Variants in CDH4 observed in about 807,000 individuals in gnomAD.
CDH4 encodes the protein cadherin-4.
CDH4 carries 33 observed loss-of-function variants against 86.0 expected under a neutral mutation model. The observed-to-expected ratio is 0.38, with a 90% CI of 0.29 to 0.51. CDH4 has a LOEUF of 0.51. CDH4 is among the 20% of genes least tolerant of loss of function. CDH4 has a pLI of 0.86. For missense variants in CDH4, 1,114 were observed against 1,307.4 expected (o/e 0.85, Z 2.28); for synonymous variants, 555 against 549.4 (o/e 1.01, Z -0.14).
chr20:61,875,312 C>A (rs975135176), intron 7 of CDH4, among the ~76,000 whole-genome samples: 1 of 152,182 alleles, frequency 6.6e-6, no homozygotes, highest in Non-Finnish European at 1.5e-5. Flanking sequence ...CCCAGGGTAA[C>A]ACATGGGGGC....
intron 2 of CDH4, among the ~76,000 whole-genome samples, chr20:61,607,307 A>G (rs1484560356): frequency 2.0e-5 from 3 of 152,238 alleles, no homozygotes; most frequent in African/African-American, 4.8e-5. Context: ...TAAAAGCACT[A>G]GGTAATACCA....
chr20:61,716,988 G>A (rs927873953), intron 2 of CDH4, among the ~76,000 whole-genome samples: 3 of 152,156 alleles, frequency 2.0e-5, no homozygotes, highest in African/African-American at 7.2e-5. Context: ...TGGTTCTTGG[G>A]CAGGCATTCA....
intron 2 of CDH4, among the ~76,000 whole-genome samples, chr20:61,366,655 C>T (rs1044363487): frequency 6.6e-6 from 1 of 152,222 alleles, no homozygotes; most frequent in Non-Finnish European, 1.5e-5. Flanking sequence ...AGGAGCATGT[C>T]CTTAAGGCAC....
chr20:61,703,483 A>T lies in CDH4; in HGVS notation c.170-40080A>T, dbSNP rs577017686. Among the ~76,000 whole-genome samples, 1 of 152,326 alleles carries T rather than the reference A, an allele frequency of 6.6e-6. No individual in the cohort carries two copies. Among genetic ancestry groups the T allele is most frequent in the Non-Finnish European group, 1.5e-5 (1 of 68,024 alleles). The stretch of plus-strand genomic sequence containing the variant: ...GCATTTGCAGAGTATTTAACCTAAT[A>T]TTGAAAAGACATCATTTGTCCCCAC... On this transcript the variant is annotated intron_variant, in intron 2 of 15. Transcript: ENST00000614565. The surrounding 1 kb of genome is among the most constrained non-coding windows in gnomAD (Gnocchi z 4.3).
At chr20:61,764,627 C>T (rs1207513269) in intron 3 of CDH4, among the ~76,000 whole-genome samples, 1 of 152,202 alleles carries the variant, frequency 6.6e-6, no homozygotes, top group Non-Finnish European at 1.5e-5. Context: ...CTCTAAAAAG[C>T]CAAGCTCCAC....
chr20:61,379,336 A>G (rs6121556), intron 2 of CDH4, among the ~76,000 whole-genome samples: 37,186 of 151,630 alleles, frequency 0.25, 4,887 homozygotes, highest in African/African-American at 0.34. Flanking sequence ...GGTCACTAAC[A>G]GGGCAGCAGT....
At chr20:61,430,582 C>T (rs1002729409) in intron 2 of CDH4, among the ~76,000 whole-genome samples, 1 of 152,088 alleles carries the variant, frequency 6.6e-6, no homozygotes, top group Admixed American at 6.6e-5. Flanking sequence ...TTTCATGGGC[C>T]GCCGTGTTCT....
intron 11 of CDH4, among the ~76,000 whole-genome samples, chr20:61,925,575 G>C (rs764115899): frequency 5.9e-5 from 9 of 152,234 alleles, no homozygotes; most frequent in African/African-American, 1.9e-4. Flanking sequence ...AGTGCCTGCC[G>C]CTGCTCATCA....
intron 11 of CDH4, among the ~76,000 whole-genome samples, chr20:61,926,329 G>C (rs545574242): frequency 1.3e-5 from 2 of 152,214 alleles, no homozygotes; most frequent in East Asian, 3.9e-4. Flanking sequence ...ACGGCTGTGC[G>C]TGAAGCCTCA....
At chr20:61,394,881 T>C (rs751328787) in intron 2 of CDH4, among the ~76,000 whole-genome samples, 9 of 136,510 alleles carry the variant, frequency 6.6e-5, no homozygotes, top group African/African-American at 1.1e-4. Flanking sequence ...CTGTGAGCCC[T>C]CACAACCCTG....
chr20:61,692,458 A>G (rs2087670299), intron 2 of CDH4, among the ~76,000 whole-genome samples: 1 of 151,708 alleles, frequency 6.6e-6, no homozygotes, highest in Non-Finnish European at 1.5e-5. Context: ...TTTGAAATAG[A>G]TAGACTGACA....
chr20:61,645,828 C>T (rs1195268423), intron 2 of CDH4, among the ~76,000 whole-genome samples: 1 of 152,088 alleles, frequency 6.6e-6, no homozygotes, highest in African/African-American at 2.4e-5. Flanking sequence ...GATCACACAG[C>T]CTGCTGTGTG....
chr20:61,395,862 G>A (rs777944451), intron 2 of CDH4, among the ~76,000 whole-genome samples: 2 of 152,168 alleles, frequency 1.3e-5, no homozygotes, highest in Admixed American at 6.5e-5. Context: ...CTGAAGGCAC[G>A]AAAACTCTTA....
At chr20:61,825,357 A>G (rs548147859) in intron 4 of CDH4, among the ~76,000 whole-genome samples, 2 of 152,304 alleles carry the variant, frequency 1.3e-5, no homozygotes, top group South Asian at 4.1e-4. Flanking sequence ...AGCTAAAATC[A>G]TGACAGTGCA....
chr20:61,293,885 G>A (rs1476328797), intron 2 of CDH4, among the ~76,000 whole-genome samples: 4 of 152,158 alleles, frequency 2.6e-5, no homozygotes, highest in Admixed American at 6.5e-5. Flanking sequence ...AGAACTGTTC[G>A]GCAGTGCCGG....
chr20:61,676,204 C>G lies in CDH4; in HGVS notation c.170-67359C>G, dbSNP rs76177526. On this transcript the variant is annotated intron_variant, in intron 2 of 15. Coordinates refer to ENST00000614565, the MANE Select transcript of CDH4 (RefSeq NM_001794.5). The surrounding 1 kb of genome is among the most constrained non-coding windows in gnomAD (Gnocchi z 4.5). ...CACATCCTTCCGTCATTCCCATTAA[C>G]ATTCGCCTGGTGTCAGGAACGGTCA... Among the ~76,000 whole-genome samples, 910 of 152,354 alleles carry G rather than the reference C, an allele frequency of 6.0e-3. 4 individuals are homozygous for G. Among genetic ancestry groups the G allele is most frequent in the Non-Finnish European group, 7.7e-3 (524 of 68,040 alleles).
chr20:61,850,875 A>T (rs1040574688), intron 5 of CDH4, among the ~76,000 whole-genome samples: 1 of 152,244 alleles, frequency 6.6e-6, no homozygotes, highest in South Asian at 2.1e-4. Flanking sequence ...AGGGAGTGGG[A>T]CAAGGAGGAC....
chr20:61,620,134 G>C (rs1047165046), intron 2 of CDH4, among the ~76,000 whole-genome samples: 14 of 64,526 alleles, frequency 2.2e-4, no homozygotes, highest in Non-Finnish European at 4.1e-4. Context: ...GGTGCACTGG[G>C]TACCACTTGG....
chr20:61,805,211 C>T (rs575385561), intron 4 of CDH4, among the ~76,000 whole-genome samples: 2 of 152,204 alleles, frequency 1.3e-5, no homozygotes, highest in African/African-American at 4.8e-5. Context: ...ACCCAGCCCC[C>T]CATCCCTACC....
Sources: allele counts gnomAD v4.1 joint callset (sites outside exome capture counted in the v4.1 genomes callset), GRCh38; gene constraint gnomAD v4.1.1; non-coding constraint Gnocchi (gnomAD v3.1); transcripts MANE v1.5; gene names NCBI Gene and HGNC (gene_info 2026-07-23, HGNC 2026-07-21).